The following LAMA2 variants were observed in gnomAD, a reference collection of about 807,000 sequenced individuals.
The protein encoded by LAMA2 is laminin subunit alpha-2.
In LAMA2, 269 loss-of-function variants were observed where a neutral mutation model predicts 364.8. That is an observed-to-expected ratio of 0.74 (90% CI 0.67 to 0.82). LAMA2 has a LOEUF of 0.82. Among genes scored for constraint, LAMA2 ranks in the 40% least tolerant of loss-of-function variants. The pLI is 0.00. For missense variants in LAMA2, 3,807 were observed against 3,873.2 expected (o/e 0.98, Z 0.45); for synonymous variants, 1,379 against 1,370.6 (o/e 1.01, Z -0.14).
intron 48 of LAMA2, 61 bp downstream of exon 48, chr6:129,456,555 C>T: frequency 2.1e-6 from 3 of 1,404,888 alleles, no homozygotes; most frequent in Non-Finnish European, 3.0e-6. Context: ...GACATAATTA[C>T]TTCAGGAGAA....
intron 1 of LAMA2, among the ~76,000 whole-genome samples, chr6:128,931,986 A>G (rs866096783): frequency 1.3e-5 from 2 of 152,324 alleles, no homozygotes; most frequent in East Asian, 1.9e-4. Context: ...TCTTTGCTGT[A>G]TATGTATCAA....
At chr6:129,242,963 A>G (rs1001292103) in intron 12 of LAMA2, among the ~76,000 whole-genome samples, 14 of 152,172 alleles carry the variant, frequency 9.2e-5, no homozygotes, top group African/African-American at 2.9e-4. Flanking sequence ...GATGTTTTGC[A>G]AATCTATTCA....
chr6:129,109,618 A>G (rs1008931066), intron 4 of LAMA2, among the ~76,000 whole-genome samples: 3 of 151,800 alleles, frequency 2.0e-5, no homozygotes, highest in African/African-American at 7.3e-5. Flanking sequence ...GGGTTTTTAA[A>G]TGACTTAAAA....
intron 1 of LAMA2, among the ~76,000 whole-genome samples, chr6:128,944,247 A>AG (rs1780357649): frequency 1.3e-5 from 2 of 152,176 alleles, no homozygotes; most frequent in Non-Finnish European, 2.9e-5. Flanking sequence ...CCTAGATTAA[A>AG]TGAATTAATT....
At chr6:128,958,039 T>G (rs1262539678) in intron 1 of LAMA2, among the ~76,000 whole-genome samples, 3 of 152,016 alleles carry the variant, frequency 2.0e-5, no homozygotes, top group African/African-American at 7.2e-5. Context: ...TCTAATCCAT[T>G]TATTGCTCTT....
intron 34 of LAMA2, among the ~76,000 whole-genome samples, 164 bp from the exon 35 acceptor site, chr6:129,382,958 T>C (rs1184946039): frequency 2.0e-5 from 3 of 152,250 alleles, no homozygotes; most frequent in Non-Finnish European, 2.9e-5. Context: ...AGTTTAATTG[T>C]ATACGTGAGC....
chr6:129,325,095 A>G (rs1775193251), intron 28 of LAMA2, among the ~76,000 whole-genome samples: 1 of 152,250 alleles, frequency 6.6e-6, no homozygotes. Context: ...AGCCTAGGAT[A>G]GGATAGGTCT....
intron 1 of LAMA2, among the ~76,000 whole-genome samples, chr6:128,937,407 G>A (rs896542432): frequency 6.6e-6 from 1 of 151,912 alleles, no homozygotes; most frequent in South Asian, 2.1e-4. Context: ...CCCTCCAAGT[G>A]TCTGGTCTTG....
At chr6:129,097,431 T>C (rs980139075) in intron 3 of LAMA2, among the ~76,000 whole-genome samples, 3 of 152,200 alleles carry the variant, frequency 2.0e-5, no homozygotes, top group African/African-American at 7.2e-5. Flanking sequence ...AAATAGAGCA[T>C]TGCCACATTC....
chr6:129,081,399 A>G (rs573161861), intron 3 of LAMA2, among the ~76,000 whole-genome samples: 2 of 152,350 alleles, frequency 1.3e-5, no homozygotes, highest in South Asian at 2.1e-4. Flanking sequence ...TAATAATAAA[A>G]AAAGAAACTT....
At chr6:129,167,504 T>C (rs1469810414) in intron 9 of LAMA2, among the ~76,000 whole-genome samples, 1 of 152,146 alleles carries the variant, frequency 6.6e-6, no homozygotes, top group Non-Finnish European at 1.5e-5. Context: ...TCATTTTTTA[T>C]GGCTGCATAG....
At chr6:129,299,319 G>A (rs919162126) in intron 21 of LAMA2, among the ~76,000 whole-genome samples, 1 of 152,006 alleles carries the variant, frequency 6.6e-6, no homozygotes, top group Non-Finnish European at 1.5e-5. Context: ...GATAATAATA[G>A]TATCTACCAC....
At chr6:129,256,763 C>CAGATATAT (rs749883373) in intron 14 of LAMA2, among the ~76,000 whole-genome samples, 1 of 87,956 alleles carries the variant, frequency 1.1e-5, no homozygotes, top group African/African-American at 4.1e-5. Flanking sequence ...AATTATATAG[C>CAGATATAT]ATATATATAT....
chr6:129,114,341 A>G (rs1052535557), intron 4 of LAMA2, among the ~76,000 whole-genome samples: 1 of 152,104 alleles, frequency 6.6e-6, no homozygotes, highest in South Asian at 2.1e-4. Context: ...AACTCTGTCC[A>G]GAACCCACAG....
chr6:129,380,903 T>G (rs914229353), intron 34 of LAMA2, among the ~76,000 whole-genome samples: 9 of 152,300 alleles, frequency 5.9e-5, no homozygotes, highest in East Asian at 3.9e-4. Flanking sequence ...ACTACGTAAA[T>G]GAAATAACCT....
intron 14 of LAMA2, among the ~76,000 whole-genome samples, chr6:129,256,295 GA>G (rs1786655733): frequency 6.6e-6 from 1 of 152,076 alleles, no homozygotes; most frequent in Non-Finnish European, 1.5e-5. Context: ...TTGTAAATGT[GA>G]ATAGACATGG....
chr6:129,140,047 G>A (rs1408806201), intron 4 of LAMA2, among the ~76,000 whole-genome samples: 1 of 152,102 alleles, frequency 6.6e-6, no homozygotes, highest in African/African-American at 2.4e-5. Context: ...AACTTGTATT[G>A]TTAGGGAATG....
intron 1 of LAMA2, among the ~76,000 whole-genome samples, chr6:129,010,286 T>C (rs377521060): frequency 6.6e-6 from 1 of 152,174 alleles, no homozygotes; most frequent in East Asian, 1.9e-4. Context: ...CTCCCAGAAA[T>C]ATACAACACT....
chr6:128,894,281 C>T (rs1776637153), intron 1 of LAMA2, among the ~76,000 whole-genome samples: 1 of 152,178 alleles, frequency 6.6e-6, no homozygotes. Flanking sequence ...TCAGCCACAA[C>T]TTGACAGATT....
Sources: allele counts gnomAD v4.1 joint callset (sites outside exome capture counted in the v4.1 genomes callset), GRCh38; gene constraint gnomAD v4.1.1; transcripts MANE v1.5; gene names NCBI Gene and HGNC (gene_info 2026-07-23, HGNC 2026-07-21).